Variants in UNK observed in about 807,000 individuals in gnomAD.
UNK encodes RING finger protein unkempt homolog.
A neutral mutation model predicts 97.6 loss-of-function variants in UNK; 32 were observed. That is an observed-to-expected ratio of 0.33 (90% CI 0.25 to 0.44). The LOEUF (loss-of-function observed/expected upper bound fraction) is 0.44, where lower values mean the gene tolerates loss of function less well. Among genes scored for constraint, UNK ranks in the 20% least tolerant of loss-of-function variants. The probability of loss-of-function intolerance (pLI) is 1.00; values close to 1 mark genes in which losing one functional copy is unlikely to be tolerated. For missense variants in UNK, 771 were observed against 1,098.4 expected (o/e 0.70, Z 4.21); for synonymous variants, 441 against 461.2 (o/e 0.96, Z 0.56).
Position 75,819,656 on chromosome 17 carries a change from G to T in UNK, c.1547-28G>T, listed in dbSNP as rs752079557. ...TCAGGGTCAGATAGTCCCTCGGGAG[G>T]TCACATCCCACTCTTCTCTGTCCCT... On this transcript the variant is annotated intron_variant, in intron 11 of 15. Coordinates refer to ENST00000589666, the MANE Select transcript of UNK (RefSeq NM_001080419.3). The surrounding 1 kb of genome is among the most constrained non-coding windows in gnomAD (Gnocchi z 5.4). 6.2e-7 allele frequency: 1 copy of T among 1,610,770 alleles called. No individual in the cohort carries two copies.
At position 75,814,321 on chromosome 17, in the gene UNK, A is replaced by C. The variant is rs759777455; in HGVS notation, c.876+443A>C. On this transcript the variant is annotated intron_variant, in intron 6 of 15. Transcript: ENST00000589666. Reference sequence around the variant, plus strand: ...GTTTGAGACTACCCTGCAACATGCTATCTCTACTAAATGTACAAAAATTAG... The same window carrying C: ...GTTTGAGACTACCCTGCAACATGCTCTCTCTACTAAATGTACAAAAATTAG... 2.6e-5 allele frequency among the ~76,000 whole-genome samples: 4 copies of C among 151,814 alleles called. 1 individual carries two copies. The highest frequency in any genetic ancestry group is 4.8e-5 in the African/African-American group (2 of 41,336).
Position 75,824,394 on chromosome 17 carries a change from C to T in UNK, c.2410C>T (p.Arg804Trp), listed in dbSNP as rs781035041. The change falls in exon 16 of 16, where the codon CGG becomes TGG. Residue 804 changes from arginine (R) to tryptophan (W), a missense_variant. By Grantham distance (101) the Arg-to-Trp change is moderately radical. Coordinates refer to ENST00000589666, the MANE Select transcript of UNK (RefSeq NM_001080419.3). This position sits in a 1 kb window ranked among gnomAD's most constrained non-coding sequence, Gnocchi z 4.9. ...CGAGTGCCCCATCTGCCAGCCTGGC[C>T]GGGCCCACACCCTCCAGTCGTGACC... ...GSECPICQPG[R>W]AHTLQS The T allele has an allele frequency of 9.0e-6, 14 of 1,557,862 alleles. No individual in the cohort carries two copies. The highest frequency in any genetic ancestry group is 1.8e-5 in the Admixed American group (1 of 55,104).
At chr17:75,823,927 T>C (rs1197445314) in intron 15 of UNK, among the ~76,000 whole-genome samples, 3 of 152,204 alleles carry the variant, frequency 2.0e-5, no homozygotes, top group Non-Finnish European at 4.4e-5. Flanking sequence ...AAGAGCTGTC[T>C]TTCCTCTGTT....
In UNK at chr17:75,816,629, C is replaced by A; in HGVS notation, c.962-141C>A. On this transcript the variant is annotated intron_variant, in intron 7 of 15. Transcript: ENST00000589666. This position sits in a 1 kb window ranked among gnomAD's most constrained non-coding sequence, Gnocchi z 4.0. ...GCCTGGCACACAGTAAATGCACAGA[C>A]ATGGTGTTACTAGAGATGTCGTAGG... The A allele has an allele frequency of 9.3e-7, 1 of 1,071,592 alleles. No individual in the cohort carries two copies. The highest frequency in any genetic ancestry group is 1.3e-6 in the Non-Finnish European group (1 of 773,952). 66.4% of individuals were successfully genotyped at this position (1,071,592 alleles called of 1,614,324 possible). A position where few individuals can be genotyped will look rare whatever the true frequency, so the allele number is the denominator to read the frequency against.
Position 75,822,601 on chromosome 17 carries a change from G to A in UNK, c.1962G>A (p.Leu654=). 6.2e-7 allele frequency: 1 copy of A among 1,613,268 alleles called. No individual in the cohort carries two copies. Among genetic ancestry groups the A allele is most frequent in the Non-Finnish European group, 8.5e-7 (1 of 1,179,766 alleles). ...AAELARLRQE[L]DEANSTIKQW... is the part of the protein sequence containing the mutation. ...AGCTGGCCCGACTTCGGCAAGAGCT[G>A]GATGAAGCCAACAGCACCATCAAGC... The change falls in exon 14 of 16, where the codon CTG becomes CTA. Residue 654 remains leucine, a synonymous_variant. Coordinates refer to ENST00000589666, the MANE Select transcript of UNK (RefSeq NM_001080419.3).
chr17:75,815,835 G>A (rs1486842395), intron 7 of UNK, among the ~76,000 whole-genome samples: 1 of 147,688 alleles, frequency 6.8e-6, no homozygotes, highest in Non-Finnish European at 1.5e-5. Flanking sequence ...GCAGTGAGCC[G>A]AGATCATGCC....
At chr17:75,805,985 G>A (rs191131040) in intron 1 of UNK, among the ~76,000 whole-genome samples, 2 of 151,862 alleles carry the variant, frequency 1.3e-5, no homozygotes, top group Admixed American at 6.6e-5. Context: ...GGTGGCTCAC[G>A]CCTGTAATCC....
intron 1 of UNK, chr17:75,792,104 A>T: frequency 1.0e-6 from 1 of 972,956 alleles, no homozygotes; most frequent in Non-Finnish European, 1.2e-6. Context: ...AGCACAGCAC[A>T]CATCTGCAGG....
intron 1 of UNK, chr17:75,792,279 TTTTTTGTTTTTG>T: frequency 5.1e-6 from 5 of 981,004 alleles, no homozygotes; most frequent in Non-Finnish European, 4.8e-6. Flanking sequence ...ATGATTAAGT[TTTTTTGTTTTTG>T]TTTTTGTTTT....
chr17:75,813,255 G>T, intron 5 of UNK, 42 bp downstream of exon 5: 1 of 1,544,478 alleles, frequency 6.5e-7, no homozygotes. Flanking sequence ...GGGAGGAGTG[G>T]CAGGGAAGGG....
intron 1 of UNK, among the ~76,000 whole-genome samples, chr17:75,799,394 G>A (rs1008199530): frequency 8.0e-4 from 122 of 152,142 alleles, no homozygotes; most frequent in African/African-American, 2.8e-3. Flanking sequence ...TGTGTGAGGC[G>A]GAAGATCTCA....
At chr17:75,793,579 A>G (rs2061780562) in intron 1 of UNK, 2 of 985,268 alleles carry the variant, frequency 2.0e-6, no homozygotes, top group Non-Finnish European at 1.2e-6. Context: ...TTTAGGACAT[A>G]AAGAAGATAC....
rs368944278 is a variant in UNK at position 75,813,113 on chromosome 17, C to A, written c.658C>A (p.Pro220Thr). Residue 220 changes from proline to threonine, a missense_variant, in exon 5 of 16, where the codon CCT (proline) becomes ACT (threonine). Pro to Thr is a conservative substitution (Grantham distance 38). This residue lies in a region of UNK where 246 missense variants were observed against 440.7 expected (regional missense o/e 0.56). Transcript: ENST00000589666. Reference sequence around the variant, plus strand: ...TGTGCTGGGGAACTATAAGACGGAGCCTTGCAAGAAGCCCCCGCGGCTGTG... The same window carrying A: ...TGTGCTGGGGAACTATAAGACGGAGACTTGCAAGAAGCCCCCGCGGCTGTG... ...AYVLGNYKTE[P>T]CKKPPRLCRQ... 30 of 1,587,328 alleles carry A rather than the reference C, an allele frequency of 1.9e-5. No individual in the cohort carries two copies. The highest frequency in any genetic ancestry group is 2.6e-5 in the Non-Finnish European group (30 of 1,167,052).
intron 1 of UNK, among the ~76,000 whole-genome samples, chr17:75,804,027 T>C (rs79746341): frequency 0.015 from 2,274 of 152,358 alleles, 42 homozygotes; most frequent in African/African-American, 0.035. Flanking sequence ...TAAACTGCCT[T>C]GTATACTTCC....
At chr17:75,785,228 G>A in intron 1 of UNK, 2 of 491,432 alleles carry the variant, frequency 4.1e-6, no homozygotes, top group Non-Finnish European at 7.1e-6. Context: ...CGGGAGCTCG[G>A]GATGCAGAGT....
At position 75,818,436 on chromosome 17, in the gene UNK, G is replaced by C. The variant is rs2062036139; in HGVS notation, c.1372-206G>C. ...TCTCTTCCCTGCTACAGGACTGTAG[G>C]GGCGAATGGGCCTGGCAGCCTCCGC... On this transcript the variant is annotated intron_variant, in intron 10 of 15. Transcript: ENST00000589666. This position sits in a 1 kb window ranked among gnomAD's most constrained non-coding sequence, Gnocchi z 5.1. Among the ~76,000 whole-genome samples, 4 of 152,304 alleles carry C rather than the reference G, an allele frequency of 2.6e-5. No homozygotes were observed. The Middle Eastern group carries it at 0.014, about 518-fold the overall frequency.
intron 1 of UNK, among the ~76,000 whole-genome samples, chr17:75,799,118 C>T (rs1400606262): frequency 6.6e-6 from 1 of 151,614 alleles, no homozygotes; most frequent in African/African-American, 2.4e-5. Flanking sequence ...TGAGAGCAGC[C>T]TGGGCAACAT....
At chr17:75,802,166 C>T (rs527874990) in intron 1 of UNK, among the ~76,000 whole-genome samples, 1 of 148,712 alleles carries the variant, frequency 6.7e-6, no homozygotes, top group South Asian at 2.1e-4. Flanking sequence ...TTTTTCTGAC[C>T]ATTGCTTGCT....
At chr17:75,812,647 A>G (rs1555595144) in intron 4 of UNK, 62 bp downstream of exon 4, 1 of 1,564,286 alleles carries the variant, frequency 6.4e-7, no homozygotes, top group Non-Finnish European at 8.7e-7. Context: ...TGCCCTGGGG[A>G]TTTGGCTCAC....
Sources: gnomAD v4.1 joint callset for allele counts (sites outside exome capture counted in the v4.1 genomes callset) on GRCh38, gnomAD v4.1.1 for gene constraint, gnomAD v4.1.1 regional missense constraint, Gnocchi (gnomAD v3.1) non-coding constraint, MANE v1.5 for transcripts, NCBI Gene and HGNC (gene_info 2026-07-23, HGNC 2026-07-21) for gene names.